PPP2R5A: variants seen among roughly 807,000 people sequenced by gnomAD.
The protein encoded by PPP2R5A is serine/threonine-protein phosphatase 2A 56 kDa regulatory subunit alpha isoform.
Under a neutral mutation model 64.2 loss-of-function variants are expected in PPP2R5A, and 25 were observed. The ratio of observed to expected loss-of-function variants is 0.39; its 90% CI spans 0.28 to 0.54. The LOEUF (loss-of-function observed/expected upper bound fraction) is 0.54, where lower values mean the gene tolerates loss of function less well. PPP2R5A is among the 20% of genes least tolerant of loss of function. The pLI, the probability that PPP2R5A is intolerant of heterozygous loss-of-function variation, is 0.67. For synonymous variants in PPP2R5A, 198 were observed against 201.2 expected (o/e 0.98, Z 0.13); for missense variants, 425 against 576.3 (o/e 0.74, Z 2.69).
intron 2 of PPP2R5A, chr1:212,331,581 T>C (rs1659506315): frequency 6.6e-6 from 1 of 152,152 alleles, no homozygotes; most frequent in African/African-American, 2.4e-5. Flanking sequence ...ATACTAAATA[T>C]TGATGGACTT....
intron 1 of PPP2R5A, among the ~76,000 whole-genome samples, chr1:212,291,467 C>G (rs1222405938): frequency 6.6e-6 from 1 of 152,180 alleles, no homozygotes; most frequent in African/African-American, 2.4e-5. Flanking sequence ...ATTAATTGGC[C>G]TAAGGTAAAA....
intron 3 of PPP2R5A, among the ~76,000 whole-genome samples, chr1:212,340,575 A>G (rs1352151153): frequency 6.6e-6 from 1 of 152,232 alleles, no homozygotes; most frequent in Non-Finnish European, 1.5e-5. Context: ...AAGCAAAATT[A>G]TCTTTTATCT....
chr1:212,288,720 A>G (rs1658549129), intron 1 of PPP2R5A, among the ~76,000 whole-genome samples: 1 of 152,014 alleles, frequency 6.6e-6, no homozygotes, highest in Non-Finnish European at 1.5e-5. Flanking sequence ...AGTTTTTTCC[A>G]TTTGTGGCCT....
chr1:212,353,358 G>A lies in PPP2R5A; in HGVS notation c.928-3268G>A, dbSNP rs192044681. 1.4e-3 allele frequency among the ~76,000 whole-genome samples: 216 copies of A among 152,242 alleles called. 1 individual carries two copies. The highest frequency in any genetic ancestry group is 3.4e-3 in the Middle Eastern group (1 of 294). ...CTTTCACTTTTGCCACAGTCTGTTCGTTAGAAGCAAGTCACTAGGACAGCT... is the reference window on the plus strand; with the variant it reads ...CTTTCACTTTTGCCACAGTCTGTTCATTAGAAGCAAGTCACTAGGACAGCT... On this transcript the variant is annotated intron_variant, in intron 8 of 12. Coordinates refer to ENST00000261461, the MANE Select transcript of PPP2R5A (RefSeq NM_006243.4).
At chr1:212,343,793 A>G (rs142206290) in intron 4 of PPP2R5A, among the ~76,000 whole-genome samples, 158 of 152,334 alleles carry the variant, frequency 1.0e-3, no homozygotes, top group African/African-American at 3.7e-3. Flanking sequence ...TGTATTTAAT[A>G]CAGTAACAGG....
At chr1:212,303,259 T>C (rs1336676036) in intron 1 of PPP2R5A, among the ~76,000 whole-genome samples, 1 of 152,208 alleles carries the variant, frequency 6.6e-6, no homozygotes, top group African/African-American at 2.4e-5. Flanking sequence ...ACTTCTTATT[T>C]TGACTTTCTG....
chr1:212,330,725 T>A (rs962439075), intron 2 of PPP2R5A, among the ~76,000 whole-genome samples: 1 of 152,154 alleles, frequency 6.6e-6, no homozygotes, highest in Non-Finnish European at 1.5e-5. Context: ...GTAGGAAATA[T>A]AAGTTTGGCC....
intron 1 of PPP2R5A, among the ~76,000 whole-genome samples, chr1:212,326,728 A>T (rs988759462): frequency 6.6e-6 from 1 of 152,246 alleles, no homozygotes; most frequent in Non-Finnish European, 1.5e-5. Flanking sequence ...GCAGAGAGTC[A>T]TTATTGATTC....
intron 1 of PPP2R5A, among the ~76,000 whole-genome samples, chr1:212,297,143 AC>A (rs1658712493): frequency 2.2e-5 from 2 of 89,742 alleles, no homozygotes; most frequent in African/African-American, 8.1e-5. Flanking sequence ...TTTTTTGGAG[AC>A]GGAGTCTCAC....
Position 212,329,138 on chromosome 1 carries a change from C to T in PPP2R5A, c.185C>T (p.Ala62Val). 6.7e-7 allele frequency: 1 copy of T among 1,491,088 alleles called. No homozygotes were observed. The highest frequency in any genetic ancestry group is 8.9e-7 in the Non-Finnish European group (1 of 1,117,926). 92.4% of individuals were successfully genotyped at this position (1,491,088 alleles called of 1,614,324 possible). A position where few individuals can be genotyped will look rare whatever the true frequency, so the allele number is the denominator to read the frequency against. Reference sequence around the variant, plus strand: ...TTTTCTTTATTTTTATTTATAGATGCCACTTCAAATGAACAACAAGAGCTT... The same window carrying T: ...TTTTCTTTATTTTTATTTATAGATGTCACTTCAAATGAACAACAAGAGCTT... ...ELHPLPQLKD[A>V]TSNEQQELFC... The change falls in exon 2 of 13, where the codon GCC becomes GTC. Residue 62 changes from alanine to valine, a missense_variant. Physicochemically the swap from Ala to Val is moderately conservative, Grantham distance 64. Around this residue, in one of 4 missense-constraint regions of PPP2R5A, gnomAD observed 104 missense variants for 95.7 expected, o/e 1.09. Coordinates refer to ENST00000261461, the MANE Select transcript of PPP2R5A (RefSeq NM_006243.4).
At chr1:212,360,565 T>TA in intron 12 of PPP2R5A, 73 bp from the exon 13 acceptor site, 1 of 1,307,394 alleles carries the variant, frequency 7.6e-7, no homozygotes, top group Non-Finnish European at 1.0e-6. Flanking sequence ...TGTTCTCCAG[T>TA]AAGCTGTCAA....
At chr1:212,309,428 C>T in intron 1 of PPP2R5A, 1 of 1,180,710 alleles carries the variant, frequency 8.5e-7, no homozygotes, top group South Asian at 1.2e-5. Flanking sequence ...CTGTGGACAC[C>T]TTTCAACATT....
chr1:212,296,846 G>A (rs1284934839), intron 1 of PPP2R5A, among the ~76,000 whole-genome samples: 1 of 152,056 alleles, frequency 6.6e-6, no homozygotes, highest in Non-Finnish European at 1.5e-5. Flanking sequence ...ATGTTTACCT[G>A]CAACACTAAA....
intron 8 of PPP2R5A, among the ~76,000 whole-genome samples, chr1:212,355,240 G>A (rs1296267811): frequency 6.6e-6 from 1 of 151,528 alleles, no homozygotes; most frequent in Non-Finnish European, 1.5e-5. Flanking sequence ...TTTTTAATGT[G>A]GCCACATACT....
intron 1 of PPP2R5A, among the ~76,000 whole-genome samples, chr1:212,327,564 G>A (rs1008263047): frequency 2.0e-5 from 3 of 151,898 alleles, no homozygotes; most frequent in East Asian, 1.9e-4. Flanking sequence ...ACAGGCGCCC[G>A]CCACCACGTT....
intron 1 of PPP2R5A, among the ~76,000 whole-genome samples, chr1:212,310,896 G>A (rs762891468): frequency 2.6e-5 from 4 of 152,200 alleles, no homozygotes; most frequent in Non-Finnish European, 5.9e-5. Flanking sequence ...GGAGCTAGAA[G>A]TAGAGGAAGA....
intron 1 of PPP2R5A, chr1:212,299,366 T>C (rs1434278925): frequency 6.6e-6 from 1 of 152,260 alleles, no homozygotes. Context: ...TGTAATTAGC[T>C]TGAAGAAATT....
intron 1 of PPP2R5A, among the ~76,000 whole-genome samples, chr1:212,320,210 C>A (rs1487509826): frequency 6.6e-6 from 1 of 152,060 alleles, no homozygotes; most frequent in Non-Finnish European, 1.5e-5. Context: ...ACCCTTAATC[C>A]ATTCAACCCT....
intron 1 of PPP2R5A, among the ~76,000 whole-genome samples, chr1:212,323,658 A>T (rs1659354806): frequency 6.6e-6 from 1 of 152,188 alleles, no homozygotes; most frequent in African/African-American, 2.4e-5. Context: ...AACAAAAACA[A>T]ATTTAAATGC....
Sources: gnomAD v4.1 joint callset for allele counts (sites outside exome capture counted in the v4.1 genomes callset) on GRCh38, gnomAD v4.1.1 for gene constraint, gnomAD v4.1.1 regional missense constraint, MANE v1.5 for transcripts, NCBI Gene and HGNC (gene_info 2026-07-23, HGNC 2026-07-21) for gene names.